The following ESR1 variants were observed in gnomAD, a reference collection of about 807,000 sequenced individuals.
ESR1 encodes the protein estrogen receptor 1, also known as estrogen receptor.
In ESR1, 12 loss-of-function variants were observed where a neutral mutation model predicts 52.7. The ratio of observed to expected loss-of-function variants is 0.23; its 90% CI spans 0.15 to 0.37. ESR1 has a LOEUF of 0.37. Ranked by LOEUF, ESR1 falls within the 10% of genes least tolerant of loss-of-function variation. The pLI is 1.00. For missense variants in ESR1, 584 were observed against 779.7 expected, an observed-to-expected ratio of 0.75 and a Z score of 2.99; for synonymous variants, 305 against 316.8, an observed-to-expected ratio of 0.96 and a Z score of 0.39.
rs146772238 is a variant in ESR1 at position 152,080,686 on chromosome 6, C to T, written c.1370-13699C>T. Among the ~76,000 whole-genome samples the T allele has an allele frequency of 3.2e-3, 492 of 152,186 alleles. 23 individuals carry two copies. The East Asian group carries it at 0.083, about 26-fold the overall frequency. On this transcript the variant is annotated intron_variant, in intron 6 of 7. Transcript: ENST00000206249. ...CTTAAATGTAAATGGGCTAAATGCTCCAATTAAAAGACACAGACTGGCAAA... is the reference window on the plus strand; with the variant it reads ...CTTAAATGTAAATGGGCTAAATGCTTCAATTAAAAGACACAGACTGGCAAA...
At chr6:151,943,500 T>A (rs1190413704) in intron 3 of ESR1, among the ~76,000 whole-genome samples, 1 of 152,168 alleles carries the variant, frequency 6.6e-6, no homozygotes, top group Non-Finnish European at 1.5e-5. Context: ...CAAATACATT[T>A]GTGAAAAGCT....
At chr6:151,722,717 A>G (rs779156951) in intron 2 of ESR1, among the ~76,000 whole-genome samples, 3 of 152,214 alleles carry the variant, frequency 2.0e-5, no homozygotes, top group Non-Finnish European at 4.4e-5. Context: ...GAGGCAGATG[A>G]TCAGAACTTT....
At chr6:151,856,371 C>T (rs917034078) in intron 2 of ESR1, among the ~76,000 whole-genome samples, 1 of 152,130 alleles carries the variant, frequency 6.6e-6, no homozygotes, top group South Asian at 2.1e-4. Context: ...TCTTGATTTT[C>T]TTCCTCTGGC....
chr6:151,927,583 A>G (rs976475556), intron 3 of ESR1, among the ~76,000 whole-genome samples: 1 of 152,166 alleles, frequency 6.6e-6, no homozygotes, highest in African/African-American at 2.4e-5. Flanking sequence ...ATTTCAAGGA[A>G]TTGGTCCATT....
intron 6 of ESR1, among the ~76,000 whole-genome samples, chr6:152,092,646 C>T (rs1278456419): frequency 5.9e-5 from 9 of 152,104 alleles, no homozygotes; most frequent in Admixed American, 5.9e-4. Flanking sequence ...ACTATAAATA[C>T]ACATAATCTG....
chr6:151,972,174 CAAAA>C (rs1474185505), intron 4 of ESR1, among the ~76,000 whole-genome samples: 3 of 151,858 alleles, frequency 2.0e-5, no homozygotes, highest in Non-Finnish European at 4.4e-5. Flanking sequence ...AAATTGCCAA[CAAAA>C]AAAGTCCAGG....
intron 3 of ESR1, among the ~76,000 whole-genome samples, chr6:151,937,408 C>T (rs559365641): frequency 5.9e-5 from 9 of 152,036 alleles, no homozygotes; most frequent in Middle Eastern, 6.8e-3. Flanking sequence ...GGAAAGAAGA[C>T]GGAAGATAGA....
intron 3 of ESR1, among the ~76,000 whole-genome samples, chr6:151,902,556 T>A: frequency 6.6e-6 from 1 of 152,220 alleles, no homozygotes; most frequent in East Asian, 1.9e-4. Context: ...TTATGTAGCA[T>A]TGTGGTTTAA....
At chr6:151,747,199 C>G (rs896134707) in intron 2 of ESR1, among the ~76,000 whole-genome samples, 12 of 152,160 alleles carry the variant, frequency 7.9e-5, no homozygotes, top group Non-Finnish European at 1.5e-5. Context: ...ATGGATAGAA[C>G]ATTTCGTACC....
intron 6 of ESR1, among the ~76,000 whole-genome samples, chr6:152,069,642 T>C (rs537473537): frequency 7.4e-6 from 1 of 135,814 alleles, no homozygotes; most frequent in South Asian, 2.4e-4. Flanking sequence ...TCATCAGGCA[T>C]TAGTTAGATT....
intron 1 of ESR1, among the ~76,000 whole-genome samples, chr6:151,824,240 T>C (rs1400651620): frequency 6.6e-6 from 1 of 152,198 alleles, no homozygotes; most frequent in Non-Finnish European, 1.5e-5. Flanking sequence ...GAGCATTTTT[T>C]CATGTGTCTG....
chr6:151,661,885 G>C (rs1777650354), intron 1 of ESR1, among the ~76,000 whole-genome samples: 1 of 152,150 alleles, frequency 6.6e-6, no homozygotes, highest in South Asian at 2.1e-4. Flanking sequence ...CGCCATGATT[G>C]TTTTAAGTTT....
chr6:151,799,660 A>G (rs1777036630), upstream of ESR1, among the ~76,000 whole-genome samples: 1 of 152,214 alleles, frequency 6.6e-6, no homozygotes, highest in Admixed American at 6.5e-5. Flanking sequence ...GACAAATAGG[A>G]AATCCAACAG....
chr6:151,857,776 G>A (rs1788131107), intron 2 of ESR1, among the ~76,000 whole-genome samples: 1 of 152,072 alleles, frequency 6.6e-6, no homozygotes, highest in Non-Finnish European at 1.5e-5. Context: ...TGATTTGCCT[G>A]CCTCGGTCTC....
intron 1 of ESR1, among the ~76,000 whole-genome samples, chr6:151,684,963 G>A (rs571618046): frequency 1.3e-5 from 2 of 152,214 alleles, no homozygotes; most frequent in Non-Finnish European, 2.9e-5. Flanking sequence ...CACTTTGTTT[G>A]TTCTGAGGGG....
At chr6:152,073,858 T>A (rs2048530097) in intron 6 of ESR1, among the ~76,000 whole-genome samples, 1 of 152,202 alleles carries the variant, frequency 6.6e-6, no homozygotes, top group Non-Finnish European at 1.5e-5. Context: ...TTCACTTCCT[T>A]TCGCCTCAGT....
chr6:152,059,270 T>C (rs1290563898), intron 5 of ESR1, among the ~76,000 whole-genome samples: 1 of 151,944 alleles, frequency 6.6e-6, no homozygotes, highest in Non-Finnish European at 1.5e-5. Flanking sequence ...TAGAAGGAAA[T>C]ATAAGATAAT....
intron 6 of ESR1, among the ~76,000 whole-genome samples, chr6:152,072,052 G>T (rs547477915): frequency 6.6e-6 from 1 of 151,158 alleles, no homozygotes; most frequent in East Asian, 2.0e-4. Flanking sequence ...CCATGAGACA[G>T]AGGAGAGTTA....
intron 5 of ESR1, among the ~76,000 whole-genome samples, chr6:152,022,349 C>T (rs9479161): frequency 3.0e-4 from 45 of 152,226 alleles, no homozygotes; most frequent in African/African-American, 1.0e-3. Flanking sequence ...TGAGCAACTC[C>T]GAGGAGTTTT....
Sources: gnomAD v4.1 joint callset for allele counts (sites outside exome capture counted in the v4.1 genomes callset) on GRCh38, gnomAD v4.1.1 for gene constraint, MANE v1.5 for transcripts, NCBI Gene and HGNC (gene_info 2026-07-23, HGNC 2026-07-21) for gene names.